LRP1B: variants seen among roughly 807,000 people sequenced by gnomAD.
LRP1B encodes LDL receptor related protein 1B.
A neutral mutation model predicts 556.6 loss-of-function variants in LRP1B; 217 were observed. The observed-to-expected ratio is 0.39, with a 90% CI of 0.35 to 0.44. The LOEUF (loss-of-function observed/expected upper bound fraction) is 0.44, where lower values mean the gene tolerates loss of function less well. LRP1B is among the 20% of genes least tolerant of loss of function. The probability of loss-of-function intolerance (pLI) is 1.00; values close to 1 mark genes in which losing one functional copy is unlikely to be tolerated. For missense variants in LRP1B, 5,053 were observed against 5,620.8 expected (o/e 0.90, Z 3.23); for synonymous variants, 2,047 against 1,865.8 (o/e 1.10, Z -2.50).
chr2:140,805,899 A>G (rs911797835), intron 32 of LRP1B, among the ~76,000 whole-genome samples: 1 of 152,180 alleles, frequency 6.6e-6, no homozygotes, highest in African/African-American at 2.4e-5. Context: ...ACACACACAT[A>G]TAATAGACTG....
intron 6 of LRP1B, among the ~76,000 whole-genome samples, chr2:141,197,425 T>C (rs554521844): frequency 2.0e-5 from 3 of 152,156 alleles, no homozygotes; most frequent in Non-Finnish European, 4.4e-5. Context: ...CTGCTCCTTA[T>C]TGTCCGAAAT....
At chr2:141,847,926 G>A (rs1697710093) in intron 1 of LRP1B, among the ~76,000 whole-genome samples, 1 of 151,352 alleles carries the variant, frequency 6.6e-6, no homozygotes, top group Admixed American at 6.6e-5. Flanking sequence ...AGATATTTGT[G>A]ATATTTTAAA....
At chr2:140,779,194 A>G (rs914149610) in intron 32 of LRP1B, among the ~76,000 whole-genome samples, 11 of 152,056 alleles carry the variant, frequency 7.2e-5, no homozygotes, top group Admixed American at 2.0e-4. Flanking sequence ...ATTTCAGAAC[A>G]CTGTGCTTAA....
chr2:141,492,217 G>C (rs911492186), intron 2 of LRP1B, among the ~76,000 whole-genome samples: 2 of 151,836 alleles, frequency 1.3e-5, no homozygotes, highest in Admixed American at 6.6e-5. Context: ...TGAATCCACA[G>C]AAAGTATTAT....
At chr2:141,428,106 T>C (rs1235667842) in intron 3 of LRP1B, among the ~76,000 whole-genome samples, 2 of 152,226 alleles carry the variant, frequency 1.3e-5, no homozygotes, top group Non-Finnish European at 2.9e-5. Context: ...TAGAATCTGA[T>C]ATCACTACCA....
At chr2:141,385,664 C>T (rs954517237) in intron 3 of LRP1B, among the ~76,000 whole-genome samples, 3 of 151,998 alleles carry the variant, frequency 2.0e-5, no homozygotes, top group African/African-American at 7.2e-5. Flanking sequence ...TTTTTAAAAA[C>T]CATTCAGTAG....
intron 66 of LRP1B, among the ~76,000 whole-genome samples, chr2:140,430,892 A>T (rs1685906226): frequency 6.6e-6 from 1 of 151,868 alleles, no homozygotes. Context: ...AAGCTCGGGG[A>T]TTTGCCCCTG....
chr2:141,208,677 C>T (rs1682396205), intron 6 of LRP1B, among the ~76,000 whole-genome samples: 1 of 151,656 alleles, frequency 6.6e-6, no homozygotes. Context: ...ACCATCCTGG[C>T]TAACACAGTG....
At chr2:141,882,222 G>A (rs900651700) in intron 1 of LRP1B, among the ~76,000 whole-genome samples, 4 of 152,104 alleles carry the variant, frequency 2.6e-5, no homozygotes, top group Admixed American at 6.6e-5. Context: ...CAAAGCCCAC[G>A]GGTTGGAGAG....
chr2:141,115,140 T>C (rs1467000514), intron 7 of LRP1B, among the ~76,000 whole-genome samples: 1 of 107,602 alleles, frequency 9.3e-6, no homozygotes, highest in African/African-American at 3.0e-5. Context: ...TTGGTCTTTA[T>C]ATTCTTTTTC....
At chr2:141,822,189 A>C (rs369434004) in intron 1 of LRP1B, among the ~76,000 whole-genome samples, 1 of 150,384 alleles carries the variant, frequency 6.6e-6, no homozygotes, top group Middle Eastern at 3.5e-3. Flanking sequence ...TTATTTAGCA[A>C]GAGACAAAGG....
intron 6 of LRP1B, among the ~76,000 whole-genome samples, chr2:141,201,565 C>A (rs180682985): frequency 6.6e-6 from 1 of 151,742 alleles, no homozygotes; most frequent in Non-Finnish European, 1.5e-5. Flanking sequence ...GATTTGTGTC[C>A]CTAAAAATAC....
intron 2 of LRP1B, among the ~76,000 whole-genome samples, chr2:141,685,694 A>G (rs1027525220): frequency 1.3e-5 from 2 of 152,080 alleles, no homozygotes; most frequent in African/African-American, 4.8e-5. Flanking sequence ...ACAGAAGGAG[A>G]GATTGAAGTG....
At chr2:140,463,542 C>T (rs1687410812) in intron 60 of LRP1B, among the ~76,000 whole-genome samples, 1 of 152,092 alleles carries the variant, frequency 6.6e-6, no homozygotes, top group Non-Finnish European at 1.5e-5. Context: ...ACAAATAAAA[C>T]TTAGGCACCA....
intron 3 of LRP1B, among the ~76,000 whole-genome samples, chr2:141,275,778 A>G (rs1685263311): frequency 6.6e-6 from 1 of 152,146 alleles, no homozygotes. Flanking sequence ...ACTAAAACAC[A>G]TTCAAAGAAA....
chr2:140,262,604 C>T (rs17385785), intron 86 of LRP1B, among the ~76,000 whole-genome samples: 1 of 152,078 alleles, frequency 6.6e-6, no homozygotes, highest in South Asian at 2.1e-4. Flanking sequence ...AGATACTGGA[C>T]AATAAATGGG....
intron 35 of LRP1B, among the ~76,000 whole-genome samples, chr2:140,750,809 A>C (rs1377439038): frequency 6.6e-6 from 1 of 152,170 alleles, no homozygotes; most frequent in Non-Finnish European, 1.5e-5. Flanking sequence ...ATACATGACC[A>C]AATATGCAAA....
chr2:141,044,920 G>A (rs1156725536), intron 11 of LRP1B, among the ~76,000 whole-genome samples: 1 of 151,124 alleles, frequency 6.6e-6, no homozygotes, highest in Non-Finnish European at 1.5e-5. Context: ...CCATTACTGG[G>A]TATATACCCA....
At chr2:141,168,266 C>A (rs1423687897) in intron 7 of LRP1B, among the ~76,000 whole-genome samples, 1 of 152,042 alleles carries the variant, frequency 6.6e-6, no homozygotes, top group Non-Finnish European at 1.5e-5. Flanking sequence ...CAGAAGTTTT[C>A]TGACAGCCTG....
Sources: allele counts gnomAD v4.1 joint callset (sites outside exome capture counted in the v4.1 genomes callset), GRCh38; gene constraint gnomAD v4.1.1; transcripts MANE v1.5; gene names NCBI Gene and HGNC (gene_info 2026-07-23, HGNC 2026-07-21).